Variants in A2ML1 observed in about 807,000 individuals in gnomAD.
The protein encoded by A2ML1 is alpha-2-macroglobulin like 1.
A2ML1 carries 161 observed loss-of-function variants against 181.9 expected under a neutral mutation model. That is an observed-to-expected ratio of 0.89 (90% confidence interval 0.78 to 1.01). The LOEUF (loss-of-function observed/expected upper bound fraction) is 1.01, where lower values mean the gene tolerates loss of function less well. A2ML1 is among the 50% of genes least tolerant of loss of function. The pLI is 0.00. For synonymous variants in A2ML1, 663 were observed against 666.8 expected (o/e 0.99, Z 0.09); for missense variants, 1,670 against 1,768.1 (o/e 0.94, Z 1.00).
intron 26 of A2ML1, 74 bp from the exon 27 acceptor site, chr12:8,860,807 G>A: frequency 7.7e-7 from 1 of 1,292,716 alleles, no homozygotes; most frequent in Non-Finnish European, 1.1e-6. Context: ...AGGGGAGGCT[G>A]TTTTGCAATC....
At position 8,843,328 on chromosome 12, in the gene A2ML1, A is replaced by C. The variant is rs757611767; in HGVS notation, c.1443A>C (p.Ala481=). Residue 481 remains alanine, a synonymous_variant, in exon 12 of 36, where the codon GCA becomes GCC. Coordinates refer to ENST00000299698, the MANE Select transcript of A2ML1 (RefSeq NM_144670.6). The part of the protein sequence containing the change: ...LVDYYIDPAD[A]SPDQEISFSY... ...ATTATTACATCGACCCGGCCGATGC[A>C]AGCCCTGACCAAGAGATCAGCTTCT... 7 of 1,614,138 alleles carry C rather than the reference A, an allele frequency of 4.3e-6. No homozygotes were observed. Among genetic ancestry groups the C allele is most frequent in the Non-Finnish European group, 5.9e-6 (7 of 1,180,024 alleles).
chr12:8,862,798 C>T (rs1944310847), intron 28 of A2ML1, among the ~76,000 whole-genome samples: 1 of 55,498 alleles, frequency 1.8e-5, no homozygotes, highest in South Asian at 1.2e-3. Context: ...TTTCCATTAT[C>T]TTGTATTGCA....
chr12:8,874,920 C>A (rs981688346), intron 34 of A2ML1, 51 bp from the exon 35 acceptor site: 5 of 1,591,936 alleles, frequency 3.1e-6, no homozygotes, highest in Non-Finnish European at 4.3e-6. Flanking sequence ...CATTTTCCCT[C>A]TGAATATAGG....
In A2ML1 at chr12:8,843,190, C is replaced by T; in HGVS notation, c.1305C>T (p.Tyr435=). Reference sequence around the variant, plus strand: ...ATCCGGAACAAGTGCCACGTTACTACCAAAATGCCTACCTGCACCTGCGAC... The same window carrying T: ...ATCCGGAACAAGTGCCACGTTACTATCAAAATGCCTACCTGCACCTGCGAC... ...VYNPEQVPRY[Y]QNAYLHLRPF... Residue 435 remains tyrosine, a synonymous_variant, in exon 12 of 36, where the codon TAC becomes TAT. Transcript: ENST00000299698. The T allele has an allele frequency of 6.2e-7, 1 of 1,614,184 alleles. No homozygotes were observed. Among genetic ancestry groups the T allele is most frequent in the East Asian group, 2.2e-5 (1 of 44,880 alleles).
chr12:8,841,714 CA>C (rs1469208576), intron 11 of A2ML1, among the ~76,000 whole-genome samples, 178 bp downstream of exon 11: 1 of 152,158 alleles, frequency 6.6e-6, no homozygotes. Context: ...TAATATCAAT[CA>C]AATAAATAGT....
intron 7 of A2ML1, 44 bp downstream of exon 7, chr12:8,836,383 C>G: frequency 6.5e-7 from 1 of 1,534,920 alleles, no homozygotes; most frequent in Non-Finnish European, 9.0e-7. Context: ...AAAGATGCAT[C>G]GAGAGACATG....
chr12:8,884,224 A>G (rs1220137049), intron 7 of A2ML1, among the ~76,000 whole-genome samples: 1 of 93,732 alleles, frequency 1.1e-5, no homozygotes, highest in African/African-American at 4.0e-5. Context: ...TCTTTTTTTT[A>G]TTTTTTGTTT....
intron 18 of A2ML1, 75 bp downstream of exon 18, chr12:8,850,349 CT>C: frequency 8.8e-7 from 1 of 1,134,962 alleles, no homozygotes; most frequent in Non-Finnish European, 1.2e-6. Context: ...CTTTGGGAGG[CT>C]TAGGAGGGAG....
At chr12:8,856,205 G>T (rs771954409) in intron 23 of A2ML1, among the ~76,000 whole-genome samples, 4 of 152,130 alleles carry the variant, frequency 2.6e-5, no homozygotes, top group Non-Finnish European at 5.9e-5. Flanking sequence ...TGAATGTTAG[G>T]CTCTTTCTTT....
Position 8,852,037 on chromosome 12 carries a change from A to G in A2ML1, c.2463+25A>G. ...GGTGAGAGCTGGGGATACAGGAATC[A>G]GGTGTCAGCCCTGGAATCACACCTC... On this transcript the variant is annotated intron_variant, in intron 19 of 35. Transcript: ENST00000299698. The surrounding 1 kb of genome is among the most constrained non-coding windows in gnomAD (Gnocchi z 4.2). 6.2e-7 allele frequency: 1 copy of G among 1,609,308 alleles called. No homozygotes were observed. The highest frequency in any genetic ancestry group is 1.1e-5 in the South Asian group (1 of 90,966).
intron 33 of A2ML1, among the ~76,000 whole-genome samples, chr12:8,871,051 G>A (rs1008515179): frequency 3.3e-5 from 5 of 151,996 alleles, no homozygotes; most frequent in African/African-American, 7.2e-5. Context: ...CACTATAAGC[G>A]TCCCTCTAGG....
intron 24 of A2ML1, 30 bp from the exon 25 acceptor site, chr12:8,857,477 T>C: frequency 1.9e-6 from 3 of 1,611,440 alleles, no homozygotes; most frequent in South Asian, 2.2e-5. Context: ...AAGTTGTCGC[T>C]GTGATCTAAA....
chr12:8,850,851 G>A (rs1001077328), intron 18 of A2ML1, among the ~76,000 whole-genome samples: 11 of 152,016 alleles, frequency 7.2e-5, no homozygotes, highest in African/African-American at 2.7e-4. Context: ...CAATTCTTGT[G>A]CCTCAGCCTC....
intron 10 of A2ML1, among the ~76,000 whole-genome samples, chr12:8,841,021 A>AGGAAGGAAGGAAGGAAGGACGGACGGAC (rs1592119843): frequency 3.3e-5 from 4 of 122,960 alleles, no homozygotes; most frequent in East Asian, 2.3e-4. Flanking sequence ...GACGGAAGGA[A>AGGAAGGAAGGAAGGAAGGACGGACGGAC]GGAAGGAAGG....
Position 8,857,556 on chromosome 12 carries a change from C to T in A2ML1, c.3075C>T (p.Ala1025=), listed in dbSNP as rs770201530. ...MYKHSNGSYS[A]FGERDGNGNT... ...AACACAGCAATGGCTCATACAGTGC[C>T]TTTGGGGAGCGAGATGGAAATGGAA... The change falls in exon 25 of 36, where the codon GCC becomes GCT. Residue 1025 remains alanine, a synonymous_variant. Transcript: ENST00000299698. 1 of 1,612,102 alleles carries T rather than the reference C, an allele frequency of 6.2e-7. No homozygotes were observed. The highest frequency in any genetic ancestry group is 1.1e-5 in the South Asian group (1 of 90,594).
Position 8,841,368 on chromosome 12 carries a change from G to T in A2ML1, c.1081-1G>T, listed in dbSNP as rs754760292. ...AATCCGTAATGATCTTTGTCCTTCA[G>T]ATAAGAGTTAGGGGCCATGATGACT... On this transcript the variant is annotated splice_acceptor_variant, in intron 10 of 35. Coordinates refer to ENST00000299698, the MANE Select transcript of A2ML1 (RefSeq NM_144670.6). LOFTEE classifies it high-confidence loss of function. 3.1e-5 allele frequency: 50 copies of T among 1,613,510 alleles called. 1 individual carries two copies. The South Asian group carries it at 5.2e-4, about 17-fold the overall frequency.
At chr12:8,882,484 T>A (rs981496252) in intron 7 of A2ML1, among the ~76,000 whole-genome samples, 26 of 152,238 alleles carry the variant, frequency 1.7e-4, no homozygotes, top group African/African-American at 6.3e-4. Flanking sequence ...CTTCTTCCTG[T>A]AGCCCTGTTG....
chr12:8,878,346 C>T (rs1168204106), downstream of A2ML1, among the ~76,000 whole-genome samples: 1 of 152,166 alleles, frequency 6.6e-6, no homozygotes, highest in Non-Finnish European at 1.5e-5. The surrounding 1 kb of genome is among the most constrained non-coding windows in gnomAD (Gnocchi z 4.4). Flanking sequence ...ATGTCCTTTG[C>T]AGCAGCATGG....
chr12:8,854,925 C>G, intron 22 of A2ML1, 94 bp downstream of exon 22: 1 of 1,347,578 alleles, frequency 7.4e-7, no homozygotes, highest in African/African-American at 1.5e-5. Context: ...GACGGAGTCT[C>G]GCTCCGTCGT....
Sources: gnomAD v4.1 joint callset for allele counts (sites outside exome capture counted in the v4.1 genomes callset) on GRCh38, gnomAD v4.1.1 for gene constraint, Gnocchi (gnomAD v3.1) non-coding constraint, MANE v1.5 for transcripts, NCBI Gene and HGNC (gene_info 2026-07-23, HGNC 2026-07-21) for gene names.